LARGE1: variants seen among roughly 807,000 people sequenced by gnomAD.
LARGE1 encodes the protein xylosyl- and glucuronyltransferase LARGE1.
In LARGE1, 43 loss-of-function variants were observed where a neutral mutation model predicts 87.6. The ratio of observed to expected loss-of-function variants is 0.49; its 90% confidence interval spans 0.38 to 0.63. The LOEUF (loss-of-function observed/expected upper bound fraction) is 0.63. Among genes scored for constraint, LARGE1 ranks in the 30% least tolerant of loss-of-function variants. The pLI, the probability that LARGE1 is intolerant of heterozygous loss-of-function variation, is 0.00. For synonymous variants in LARGE1, 434 were observed against 394.6 expected (o/e 1.10, Z -1.18); for missense variants, 802 against 1,000.2 (o/e 0.80, Z 2.67).
At chr22:33,799,927 T>G (rs1417971153) in intron 1 of LARGE1, among the ~76,000 whole-genome samples, 4 of 152,300 alleles carry the variant, frequency 2.6e-5, no homozygotes, top group South Asian at 2.1e-4. Flanking sequence ...TGAGACCATG[T>G]GTGCTCACAT....
At chr22:33,501,254 A>G (rs1412853906) in intron 6 of LARGE1, among the ~76,000 whole-genome samples, 1 of 152,218 alleles carries the variant, frequency 6.6e-6, no homozygotes, top group African/African-American at 2.4e-5. Context: ...TTTATTATGT[A>G]TACTTCAAAG....
intron 6 of LARGE1, among the ~76,000 whole-genome samples, chr22:33,500,441 CAATT>C (rs1189361961): frequency 6.6e-6 from 1 of 152,174 alleles, no homozygotes; most frequent in Non-Finnish European, 1.5e-5. Context: ...ATGATGTTGA[CAATT>C]AAAGCAAAAG....
chr22:33,348,289 C>CCCCAAAAAA (rs1569081859), intron 9 of LARGE1, among the ~76,000 whole-genome samples: 1 of 124,056 alleles, frequency 8.1e-6, no homozygotes, highest in African/African-American at 3.1e-5. Context: ...CACCCCCCCC[C>CCCCAAAAAA]AAAAAAAAAG....
intron 9 of LARGE1, among the ~76,000 whole-genome samples, chr22:33,350,901 C>A (rs1004414801): frequency 6.6e-6 from 1 of 152,146 alleles, no homozygotes; most frequent in Non-Finnish European, 1.5e-5. Context: ...TGCATGGATA[C>A]CTGTCCCATG....
the LARGE1 span, among the ~76,000 whole-genome samples, chr22:33,122,255 C>G: frequency 1.3e-5 from 2 of 151,988 alleles, no homozygotes; most frequent in Middle Eastern, 3.2e-3. Context: ...AACTGCCTCA[C>G]CCCCCTCCAC....
At chr22:33,385,483 G>A (rs903134737) in intron 7 of LARGE1, among the ~76,000 whole-genome samples, 6 of 127,912 alleles carry the variant, frequency 4.7e-5, no homozygotes, top group Non-Finnish European at 6.5e-5. Flanking sequence ...AGCTGAGATC[G>A]TGCCACGGCA....
chr22:33,399,148 A>T (rs2065853127), intron 7 of LARGE1, among the ~76,000 whole-genome samples: 1 of 150,524 alleles, frequency 6.6e-6, no homozygotes, highest in Non-Finnish European at 1.5e-5. Context: ...CCCCGCCCCG[A>T]CCAAGAGGCC....
At chr22:33,708,048 G>C (rs531643800) in intron 2 of LARGE1, among the ~76,000 whole-genome samples, 1 of 152,182 alleles carries the variant, frequency 6.6e-6, no homozygotes, top group Non-Finnish European at 1.5e-5. Flanking sequence ...CTGCTGAGAA[G>C]GATCCAGTCC....
intron 2 of LARGE1, among the ~76,000 whole-genome samples, chr22:33,678,845 G>C (rs184444380): frequency 6.6e-6 from 1 of 152,200 alleles, no homozygotes; most frequent in African/African-American, 2.4e-5. Flanking sequence ...GCTGGGAACC[G>C]AAGTACATTG....
intron 1 of LARGE1, among the ~76,000 whole-genome samples, chr22:33,878,129 C>CTTTTTTCTTTTT (rs2064532497): frequency 2.2e-5 from 1 of 44,652 alleles, no homozygotes; most frequent in Non-Finnish European, 5.1e-5. Context: ...TATTGTATTT[C>CTTTTTTCTTTTT]TTTTTTTTTT....
chr22:33,420,293 G>C (rs965055077), intron 7 of LARGE1, among the ~76,000 whole-genome samples: 1 of 152,190 alleles, frequency 6.6e-6, no homozygotes, highest in Non-Finnish European at 1.5e-5. Context: ...ATTCAGATGA[G>C]ATTGGGTGCA....
At chr22:33,730,813 C>T (rs1015648516) in intron 2 of LARGE1, among the ~76,000 whole-genome samples, 1 of 151,942 alleles carries the variant, frequency 6.6e-6, no homozygotes, top group African/African-American at 2.4e-5. Context: ...TTGCCTCAGC[C>T]TCCCAAGTAG....
At chr22:33,666,586 A>T (rs1033266046) in intron 2 of LARGE1, among the ~76,000 whole-genome samples, 3 of 152,174 alleles carry the variant, frequency 2.0e-5, no homozygotes, top group African/African-American at 7.2e-5. Context: ...AGATGCACAC[A>T]TGATAATAAA....
At chr22:33,371,292 G>C (rs1275584769) in intron 9 of LARGE1, among the ~76,000 whole-genome samples, 8 of 152,100 alleles carry the variant, frequency 5.3e-5, no homozygotes, top group Non-Finnish European at 1.5e-5. Flanking sequence ...TGATAAATAA[G>C]ATGGTTTTTA....
At chr22:33,161,978 A>G (rs1222852330), downstream of LARGE1, among the ~76,000 whole-genome samples, 1 of 152,190 alleles carries the variant, frequency 6.6e-6, no homozygotes, top group Non-Finnish European at 1.5e-5. Context: ...TTCATTGTCC[A>G]TATCACTATC....
At chr22:33,203,424 A>T (rs1924513512) in intron 11 of LARGE1, among the ~76,000 whole-genome samples, 1 of 152,064 alleles carries the variant, frequency 6.6e-6, no homozygotes, top group South Asian at 2.1e-4. Context: ...CTGTGTTCAG[A>T]TACTGGGAAC....
At chr22:33,075,772 C>G in the LARGE1 span, among the ~76,000 whole-genome samples, 2 of 152,048 alleles carry the variant, frequency 1.3e-5, no homozygotes, top group South Asian at 4.1e-4. Context: ...ACATTCCTTC[C>G]TCTTCAAAGA....
At chr22:33,847,414 C>A (rs2063466049) in intron 1 of LARGE1, among the ~76,000 whole-genome samples, 1 of 152,204 alleles carries the variant, frequency 6.6e-6, no homozygotes, top group South Asian at 2.1e-4. Context: ...CATTCAACTA[C>A]CATTGTTCTG....
chr22:33,908,657 T>G (rs76324402), intron 1 of LARGE1, among the ~76,000 whole-genome samples: 7,651 of 152,160 alleles, frequency 0.05, 220 homozygotes, highest in East Asian at 0.12. Flanking sequence ...GGTGAGCCAG[T>G]GAGGGTAAGT....
Sources: gnomAD v4.1 joint callset for allele counts (sites outside exome capture counted in the v4.1 genomes callset) on GRCh38, gnomAD v4.1.1 for gene constraint, MANE v1.5 for transcripts, NCBI Gene and HGNC (gene_info 2026-07-23, HGNC 2026-07-21) for gene names.